NANP: variants seen among roughly 807,000 people sequenced by gnomAD.
NANP encodes the protein N-acylneuraminate-9-phosphatase.
In NANP, 15 loss-of-function variants were observed where a neutral mutation model predicts 16.9. The ratio of observed to expected loss-of-function variants is 0.89; its 90% CI spans 0.59 to 1.37. NANP has a LOEUF of 1.37. Among genes scored for constraint, NANP ranks in the 40% most tolerant of loss-of-function variants. The probability of loss-of-function intolerance (pLI) is 0.00; values close to 1 mark genes in which losing one functional copy is unlikely to be tolerated. For synonymous variants in NANP, 135 were observed against 112.6 expected (o/e 1.20, Z -1.26); for missense variants, 290 against 303.5 (o/e 0.96, Z 0.33).
At chr20:25,617,808 C>T (rs778437726) in intron 1 of NANP, among the ~76,000 whole-genome samples, 4 of 152,126 alleles carry the variant, frequency 2.6e-5, no homozygotes, top group Non-Finnish European at 5.9e-5. Flanking sequence ...TGAGCCACTG[C>T]GCCCGGCCCC....
Position 25,616,242 on chromosome 20 carries a change from C to A in NANP, c.430G>T (p.Ala144Ser). ...DRQTQREKIE[A>S]CACQSYFDAV... ...TCAAAATAGGACTGACAGGCACAAGCCTCAATCTTCTCCCTCTGGGTCTGT... is the reference window on the plus strand; with the variant it reads ...TCAAAATAGGACTGACAGGCACAAGACTCAATCTTCTCCCTCTGGGTCTGT... Residue 144 changes from alanine to serine, a missense_variant, in exon 2 of 2, where the codon GCT becomes TCT. Transcript: ENST00000304788. The A allele has an allele frequency of 5.0e-6, 8 of 1,614,210 alleles. No individual in the cohort carries two copies. Among genetic ancestry groups the A allele is most frequent in the Non-Finnish European group, 5.9e-6 (7 of 1,180,040 alleles).
Position 25,613,864 on chromosome 20 carries a change from A to G in NANP, c.*2061T>C, listed in dbSNP as rs2065331463. The G allele has an allele frequency of 2.5e-6, 1 of 398,478 alleles. No homozygotes were observed. Among genetic ancestry groups the G allele is most frequent in the Non-Finnish European group, 4.4e-6 (1 of 226,060 alleles). The allele number at this position is 398,478 out of a possible 1,614,324, so 24.7% of individuals were successfully genotyped here. ...TGAACCTTCACTCTCAGCATAATGA[A>G]TGTGACACTGCCTACATCCATCCTG... On this transcript the variant is annotated 3_prime_UTR_variant, in exon 2 of 2. Transcript: ENST00000304788.
At chr20:25,621,197 C>T (rs377046302) in intron 1 of NANP, among the ~76,000 whole-genome samples, 3 of 152,330 alleles carry the variant, frequency 2.0e-5, no homozygotes, top group African/African-American at 7.2e-5. Flanking sequence ...TGTGCACAAA[C>T]ATCACCTACT....
chr20:25,622,165 G>T (rs1164969237), intron 1 of NANP, among the ~76,000 whole-genome samples: 1 of 152,216 alleles, frequency 6.6e-6, no homozygotes, highest in East Asian at 1.9e-4. Flanking sequence ...TAAAAATATT[G>T]CTGTGGCAAG....
At position 25,620,268 on chromosome 20, in the gene NANP, T is replaced by A. The variant is rs575492210; in HGVS notation, c.90+3591A>T. ...GGCGTGATGATACTTTGTGTCTGAC[T>A]GGTAAGGCAGGGCTGAAAAAGATTT... is the stretch of plus-strand genomic sequence containing the variant. On this transcript the variant is annotated intron_variant, in intron 1 of 1. Transcript: ENST00000304788. Among the ~76,000 whole-genome samples the A allele has an allele frequency of 3.3e-5, 5 of 152,306 alleles. No individual in the cohort carries two copies. In the East Asian group the frequency reaches 9.7e-4, roughly 29 times the overall value.
chr20:25,621,930 A>G (rs548687107), intron 1 of NANP, among the ~76,000 whole-genome samples: 1 of 152,358 alleles, frequency 6.6e-6, no homozygotes, highest in South Asian at 2.1e-4. Context: ...AAAAATTTGT[A>G]TCCATCCATC....
intron 1 of NANP, among the ~76,000 whole-genome samples, chr20:25,619,111 G>T (rs2065355037): frequency 6.6e-6 from 1 of 150,672 alleles, no homozygotes; most frequent in South Asian, 2.1e-4. Context: ...TCACAACAAA[G>T]GAAAAGGGTC....
Position 25,616,253 on chromosome 20 carries a change from T to C in NANP, c.419A>G (p.Glu140Gly). 16 of 1,614,160 alleles carry C rather than the reference T, an allele frequency of 9.9e-6. No individual in the cohort carries two copies. Among genetic ancestry groups the C allele is most frequent in the Non-Finnish European group, 1.4e-5 (16 of 1,180,034 alleles). ...CTGACAGGCACAAGCCTCAATCTTC[T>C]CCCTCTGGGTCTGTCTGTCCCCATT... ...LTNGDRQTQR[E>G]KIEACACQSY... Residue 140 changes from glutamate to glycine, a missense_variant, in exon 2 of 2, where the codon GAG becomes GGG. Coordinates refer to ENST00000304788, the MANE Select transcript of NANP (RefSeq NM_152667.3).
At position 25,614,945 on chromosome 20, in the gene NANP, C is replaced by CCATG. The variant is rs943559904; in HGVS notation, c.*976_*979dup. On this transcript the variant is annotated 3_prime_UTR_variant, in exon 2 of 2. Transcript: ENST00000304788. Reference sequence around the variant, plus strand: ...GAGGTTGCAGTGAGCCGAGATGGTGCCATGGCACTCCAACCTGGGCGACAG... The same window carrying CCATG: ...GAGGTTGCAGTGAGCCGAGATGGTGCCATGCATGGCACTCCAACCTGGGCGACAG... 1 of 152,208 alleles carries CCATG rather than the reference C, an allele frequency of 6.6e-6. No homozygotes were observed. The allele number at this position is 152,208 out of a possible 1,614,324, so 9.4% of individuals were successfully genotyped here.
chr20:25,619,946 T>TA (rs2065358388), intron 1 of NANP, among the ~76,000 whole-genome samples: 1 of 152,236 alleles, frequency 6.6e-6, no homozygotes, highest in South Asian at 2.1e-4. Context: ...GAGATGTTTA[T>TA]AAAGGCATGG....
In NANP at chr20:25,613,469, C is replaced by A. The variant is rs2065330049; in HGVS notation, c.*2456G>T. ...CTCTGTAAGCAGTGTTAGGGAGGGC[C>A]TCTGGCTTTGTGTGAGAAGGCCACT... is the stretch of plus-strand genomic sequence containing the variant. On this transcript the variant is annotated 3_prime_UTR_variant, in exon 2 of 2. Coordinates refer to ENST00000304788, the MANE Select transcript of NANP (RefSeq NM_152667.3). The A allele has an allele frequency of 5.7e-6, 1 of 174,090 alleles. No homozygotes were observed. The highest frequency in any genetic ancestry group is 1.2e-5 in the Non-Finnish European group (1 of 83,012). The allele number at this position is 174,090 out of a possible 1,614,324, so 10.8% of individuals were successfully genotyped here. A position where few individuals can be genotyped will look rare whatever the true frequency, so the allele number is the denominator to read the frequency against.
intron 1 of NANP, among the ~76,000 whole-genome samples, chr20:25,621,989 A>G (rs1384199484): frequency 6.6e-6 from 1 of 152,258 alleles, no homozygotes; most frequent in Non-Finnish European, 1.5e-5. Context: ...TAATTAAGAC[A>G]GCTTGTTCCC....
chr20:25,616,167 T>G lies in NANP; in HGVS notation c.505A>C (p.Ile169Leu). 4.3e-6 allele frequency: 7 copies of G among 1,614,190 alleles called. No individual in the cohort carries two copies. The highest frequency in any genetic ancestry group is 5.9e-6 in the Non-Finnish European group (7 of 1,180,036). ...AGAAGATTGCAGCAGTAATAAAATA[T>G]GGACGGTGCTGGTTTCTCCTCTCTC... ...EQREEKPAPS[I>L]FYYCCNLLGV... Residue 169 changes from isoleucine (I) to leucine (L), a missense_variant, in exon 2 of 2, where the codon ATA becomes CTA. Physicochemically the swap from Ile to Leu is conservative, Grantham distance 5 (BLOSUM62 2). Transcript: ENST00000304788.
At position 25,614,075 on chromosome 20, in the gene NANP, T is replaced by C. The variant is rs1427077029; in HGVS notation, c.*1850A>G. 19 of 378,666 alleles carry C rather than the reference T, an allele frequency of 5.0e-5. No individual in the cohort carries two copies. The highest frequency in any genetic ancestry group is 7.9e-5 in the Non-Finnish European group (17 of 214,044). 23.5% of individuals were successfully genotyped at this position (378,666 alleles called of 1,614,324 possible). A position where few individuals can be genotyped will look rare whatever the true frequency, so the allele number is the denominator to read the frequency against. On this transcript the variant is annotated 3_prime_UTR_variant, in exon 2 of 2. Transcript: ENST00000304788. The stretch of plus-strand genomic sequence containing the variant: ...CTCTGTTCACAAATGTTCACTGTTA[T>C]AGCAACAGCACTTTGGTACAGTCAA...
rs1194318093 is a variant in NANP, at chr20:25,616,267, T to C, written c.405A>G (p.Arg135=). The stretch of plus-strand genomic sequence containing the variant: ...CCTCAATCTTCTCCCTCTGGGTCTG[T>C]CTGTCCCCATTCGTTAATAGAAGTA... ...VRLLLLTNGD[R]QTQREKIEAC... Residue 135 remains arginine, a synonymous_variant, in exon 2 of 2, where the codon AGA becomes AGG. Transcript: ENST00000304788. The C allele has an allele frequency of 2.5e-6, 4 of 1,614,200 alleles. No homozygotes were observed. In the African/African-American group the frequency reaches 5.3e-5, roughly 22 times the overall value.
At chr20:25,616,972 AG>A (rs1174308306) in intron 1 of NANP, among the ~76,000 whole-genome samples, 1 of 152,198 alleles carries the variant, frequency 6.6e-6, no homozygotes, top group African/African-American at 2.4e-5. Context: ...GGATCACTTG[AG>A]TTTAGGAGTT....
In NANP at chr20:25,614,744, T is replaced by G. The variant is rs2065335692; in HGVS notation, c.*1181A>C. 1 of 152,074 alleles carries G rather than the reference T, an allele frequency of 6.6e-6. No homozygotes were observed. The highest frequency in any genetic ancestry group is 6.6e-5 in the Admixed American group (1 of 15,258). The allele number at this position is 152,074 out of a possible 1,614,324, so 9.4% of individuals were successfully genotyped here. On this transcript the variant is annotated 3_prime_UTR_variant, in exon 2 of 2. Coordinates refer to ENST00000304788, the MANE Select transcript of NANP (RefSeq NM_152667.3). ...GGCTCATGCCTATAATCCTAGGACT[T>G]TAGGAGGCTGAGGTGGGAGGATCAC...
At chr20:25,617,578 G>A (rs937668392) in intron 1 of NANP, among the ~76,000 whole-genome samples, 12 of 152,018 alleles carry the variant, frequency 7.9e-5, no homozygotes, top group Non-Finnish European at 1.6e-4. Context: ...GTGCAGTGGT[G>A]CAATCTCAGC....
Position 25,613,078 on chromosome 20 carries a change from T to C in NANP, c.*2847A>G, listed in dbSNP as rs1175113746. On this transcript the variant is annotated 3_prime_UTR_variant, in exon 2 of 2. Coordinates refer to ENST00000304788, the MANE Select transcript of NANP (RefSeq NM_152667.3). ...AAGAATGTTTTATGAAAATTAAACA[T>C]ATAAAACTGGATCCCATACACATAT... The C allele has an allele frequency of 6.6e-6, 1 of 152,044 alleles. No individual in the cohort carries two copies. The highest frequency in any genetic ancestry group is 1.5e-5 in the Non-Finnish European group (1 of 68,012). 9.4% of individuals were successfully genotyped at this position (152,044 alleles called of 1,614,324 possible).
Sources: allele counts gnomAD v4.1 joint callset (sites outside exome capture counted in the v4.1 genomes callset), GRCh38; gene constraint gnomAD v4.1.1; transcripts MANE v1.5; gene names NCBI Gene and HGNC (gene_info 2026-07-23, HGNC 2026-07-21).